SMYD3: variants seen among roughly 807,000 people sequenced by gnomAD.
SMYD3 encodes the protein histone-lysine N-methyltransferase SMYD3.
Under a neutral mutation model 57.7 loss-of-function variants are expected in SMYD3, and 36 were observed. The observed-to-expected ratio is 0.62, with a 90% CI of 0.48 to 0.82. SMYD3 has a LOEUF of 0.82. Ranked by LOEUF, SMYD3 falls within the 40% of genes least tolerant of loss-of-function variation. SMYD3 has a pLI of 0.00. For synonymous variants in SMYD3, 211 were observed against 195.0 expected (o/e 1.08, Z -0.68); for missense variants, 515 against 538.8 (o/e 0.96, Z 0.44).
At chr1:246,480,394 TAACAA>T (rs1290521565) in intron 1 of SMYD3, among the ~76,000 whole-genome samples, 1 of 152,224 alleles carries the variant, frequency 6.6e-6, no homozygotes, top group Non-Finnish European at 1.5e-5. Context: ...ACATTTTCTG[TAACAA>T]AACACTAAAA....
chr1:246,345,601 G>A (rs1013681556), intron 2 of SMYD3, among the ~76,000 whole-genome samples: 1 of 152,170 alleles, frequency 6.6e-6, no homozygotes, highest in African/African-American at 2.4e-5. Flanking sequence ...GGATTTTGGA[G>A]CGCTGCAGAT....
chr1:245,847,562 C>A (rs1572501780), intron 10 of SMYD3, among the ~76,000 whole-genome samples: 2 of 152,202 alleles, frequency 1.3e-5, no homozygotes, highest in Admixed American at 6.5e-5. Flanking sequence ...TCTTTTGGCT[C>A]CCTACAGGGG....
At chr1:245,810,603 A>G (rs771222141) in intron 10 of SMYD3, among the ~76,000 whole-genome samples, 16 of 152,126 alleles carry the variant, frequency 1.1e-4, no homozygotes, top group Admixed American at 2.0e-4. Flanking sequence ...TCAAGAACTG[A>G]TCATCCCTCT....
intron 5 of SMYD3, among the ~76,000 whole-genome samples, chr1:246,247,669 T>C (rs1280426876): frequency 3.3e-5 from 5 of 152,062 alleles, no homozygotes; most frequent in Admixed American, 2.0e-4. Flanking sequence ...TCATCACTCA[T>C]TTCCCACACC....
intron 5 of SMYD3, among the ~76,000 whole-genome samples, chr1:246,227,706 G>T (rs2063349835): frequency 6.6e-6 from 1 of 152,082 alleles, no homozygotes; most frequent in Non-Finnish European, 1.5e-5. Flanking sequence ...AAGATTCCAG[G>T]CTGGAGAACT....
intron 5 of SMYD3, among the ~76,000 whole-genome samples, chr1:245,942,708 G>C (rs1313616629): frequency 6.6e-6 from 1 of 152,116 alleles, no homozygotes; most frequent in Non-Finnish European, 1.5e-5. Context: ...CTCTAAAATT[G>C]ATCCCTTCTA....
chr1:246,014,421 T>C (rs534374755), intron 5 of SMYD3, among the ~76,000 whole-genome samples: 27 of 152,314 alleles, frequency 1.8e-4, no homozygotes, highest in African/African-American at 6.5e-4. Context: ...GCATTCATGC[T>C]TTCTGTAGGA....
intron 5 of SMYD3, among the ~76,000 whole-genome samples, chr1:246,139,319 T>C (rs554593796): frequency 1.3e-5 from 2 of 152,358 alleles, no homozygotes; most frequent in South Asian, 4.1e-4. Flanking sequence ...ACATAGATTT[T>C]CTCAAGACCA....
chr1:245,799,052 T>C (rs1553325721), intron 10 of SMYD3, among the ~76,000 whole-genome samples: 2 of 152,202 alleles, frequency 1.3e-5, no homozygotes, highest in Non-Finnish European at 2.9e-5. Flanking sequence ...GAACAAGCTC[T>C]AGCCCTCTCC....
At position 246,039,986 on chromosome 1, in the gene SMYD3, T is replaced by C. The variant is rs1024787282; in HGVS notation, c.532-110049A>G. Among the ~76,000 whole-genome samples the C allele has an allele frequency of 5.3e-5, 8 of 152,346 alleles. No homozygotes were observed. In the South Asian group the frequency reaches 1.7e-3, roughly 32 times the overall value. ...AACGCAGCATTGATTAGTACCATTG[T>C]CTTAGCGTAAGTTACAGTTAACGTC... On this transcript the variant is annotated intron_variant, in intron 5 of 11. Transcript: ENST00000490107.
At chr1:245,900,348 G>A (rs1270846715) in intron 8 of SMYD3, among the ~76,000 whole-genome samples, 1 of 152,144 alleles carries the variant, frequency 6.6e-6, no homozygotes, top group Non-Finnish European at 1.5e-5. Context: ...CATCATTTTT[G>A]AGCAATAAAG....
intron 5 of SMYD3, among the ~76,000 whole-genome samples, chr1:246,192,603 A>G (rs558220091): frequency 5.9e-5 from 9 of 152,238 alleles, no homozygotes; most frequent in Non-Finnish European, 1.2e-4. Context: ...TGTAAATGCT[A>G]CAATAAAATA....
intron 5 of SMYD3, among the ~76,000 whole-genome samples, chr1:246,225,539 G>A (rs973112052): frequency 6.6e-6 from 1 of 152,100 alleles, no homozygotes; most frequent in Non-Finnish European, 1.5e-5. Flanking sequence ...TTGTGCACAA[G>A]TGTGTGAGAG....
chr1:245,960,657 G>A (rs1198532901), intron 5 of SMYD3, among the ~76,000 whole-genome samples: 2 of 152,138 alleles, frequency 1.3e-5, no homozygotes, highest in African/African-American at 4.8e-5. Context: ...AGCCTGGGAG[G>A]TGGAGGTTGC....
chr1:246,377,611 T>G (rs985574218), intron 1 of SMYD3, among the ~76,000 whole-genome samples: 1 of 152,058 alleles, frequency 6.6e-6, no homozygotes, highest in Non-Finnish European at 1.5e-5. Flanking sequence ...TCAGGTGATC[T>G]ACCTGCCTCA....
intron 1 of SMYD3, among the ~76,000 whole-genome samples, chr1:246,490,130 T>C (rs1047615524): frequency 1.3e-5 from 2 of 151,616 alleles, no homozygotes; most frequent in Non-Finnish European, 2.9e-5. Flanking sequence ...TGAGCCACTG[T>C]GCCTGACTTA....
chr1:246,019,793 G>A (rs1361383187), intron 5 of SMYD3, among the ~76,000 whole-genome samples: 1 of 151,934 alleles, frequency 6.6e-6, no homozygotes, highest in East Asian at 1.9e-4. Flanking sequence ...ATATATAAAT[G>A]TACATATATA....
At chr1:246,321,793 G>C (rs2065253480) in intron 5 of SMYD3, 1 of 152,102 alleles carries the variant, frequency 6.6e-6, no homozygotes, top group Non-Finnish European at 1.5e-5. Flanking sequence ...TTGTAGTCCA[G>C]GCTGGAGTGC....
intron 5 of SMYD3, among the ~76,000 whole-genome samples, chr1:246,264,776 G>T (rs1057289195): frequency 6.6e-6 from 1 of 152,156 alleles, no homozygotes; most frequent in Admixed American, 6.5e-5. Flanking sequence ...TGCTATAGAA[G>T]AAAAGGTGAA....
Sources: gnomAD v4.1 joint callset for allele counts (sites outside exome capture counted in the v4.1 genomes callset) on GRCh38, gnomAD v4.1.1 for gene constraint, MANE v1.5 for transcripts, NCBI Gene and HGNC (gene_info 2026-07-23, HGNC 2026-07-21) for gene names.